The following SBNO1 variants were observed in gnomAD, a reference collection of about 807,000 sequenced individuals.
The protein encoded by SBNO1 is strawberry notch homolog 1.
In SBNO1, 23 loss-of-function variants were observed where a neutral mutation model predicts 173.6. The ratio of observed to expected loss-of-function variants is 0.13; its 90% confidence interval spans 0.10 to 0.19. SBNO1 has a LOEUF of 0.19. Among genes scored for constraint, SBNO1 ranks in the 10% least tolerant of loss-of-function variants. The pLI is 1.00. For synonymous variants in SBNO1, 632 were observed against 571.5 expected, an observed-to-expected ratio of 1.11 and a Z score of -1.51; for missense variants, 1,238 against 1,671.2, an observed-to-expected ratio of 0.74 and a Z score of 4.52.
rs192943789 is a variant in SBNO1, at chr12:123,291,257, A to C, written c.*4651T>G. On this transcript the variant is annotated 3_prime_UTR_variant, in exon 32 of 32. Transcript: ENST00000602398. ...GCAGCAGGCCAGAAACCACTGTTTC[A>C]AATCTGCAAGATTTTCCTATCAGGT... is the stretch of plus-strand genomic sequence containing the variant. 1 of 152,362 alleles carries C rather than the reference A, an allele frequency of 6.6e-6. No homozygotes were observed. The allele number at this position is 152,362 out of a possible 1,614,324, so 9.4% of individuals were successfully genotyped here.
intron 4 of SBNO1, 88 bp downstream of exon 4, chr12:123,345,170 C>A: frequency 8.6e-7 from 1 of 1,159,870 alleles, no homozygotes; most frequent in Non-Finnish European, 1.2e-6. Flanking sequence ...ATGGCCAGTT[C>A]TTTAAAAACC....
chr12:123,362,435 C>CA lies in SBNO1; in HGVS notation c.-1+2265dup, dbSNP rs56019572. ...TGGGCCACTGAGCGAGACTCCGTCTCAAAAAAAAAAAAAAAAAAAAAAAAA... is the reference window on the plus strand; with the variant it reads ...TGGGCCACTGAGCGAGACTCCGTCTCAAAAAAAAAAAAAAAAAAAAAAAAAA... On this transcript the variant is annotated intron_variant, in intron 1 of 31. Transcript: ENST00000602398. 2.8e-3 allele frequency among the ~76,000 whole-genome samples: 141 copies of CA among 49,740 alleles called. 7 individuals carry two copies. The East Asian group carries it at 0.036, about 13-fold the overall frequency. The allele number at this position is 49,740 out of a possible 152,430, so 32.6% of individuals were successfully genotyped here.
intron 29 of SBNO1, chr12:123,304,321 G>A (rs919991671): frequency 1.9e-5 from 6 of 311,636 alleles, no homozygotes; most frequent in Non-Finnish European, 3.7e-5. Flanking sequence ...TGCAACCTCC[G>A]CCTCCCGGGT....
Position 123,327,697 on chromosome 12 carries a change from A to C in SBNO1, c.1538+10T>G, listed in dbSNP as rs1870762063. ...CTACTGAGAAGAGTATATACCGTAA[A>C]CTGCATTACCTCCGTTCTACTGCTT... On this transcript the variant is annotated intron_variant, in intron 12 of 31. Coordinates refer to ENST00000602398, the MANE Select transcript of SBNO1 (RefSeq NM_001167856.3). 26 of 1,605,036 alleles carry C rather than the reference A, an allele frequency of 1.6e-5. No homozygotes were observed. Among genetic ancestry groups the C allele is most frequent in the Non-Finnish European group, 2.0e-5 (24 of 1,172,092 alleles).
intron 9 of SBNO1, among the ~76,000 whole-genome samples, chr12:123,330,034 T>C (rs1236283793): frequency 6.6e-6 from 1 of 152,200 alleles, no homozygotes; most frequent in Non-Finnish European, 1.5e-5. Context: ...CTACATCGCA[T>C]ATGATTTGGT....
intron 30 of SBNO1, among the ~76,000 whole-genome samples, chr12:123,300,970 CAAAAAAAAACA>C (rs970619635): frequency 4.8e-5 from 6 of 124,356 alleles, no homozygotes; most frequent in Non-Finnish European, 1.1e-4. Context: ...AAAAAAAAAA[CAAAAAAAAACA>C]AAAAAAAAAC....
rs1460088237 is a variant in SBNO1 at position 123,294,847 on chromosome 12, A to G, written c.*1061T>C. 3 of 151,752 alleles carry G rather than the reference A, an allele frequency of 2.0e-5. No homozygotes were observed. The highest frequency in any genetic ancestry group is 7.3e-5 in the African/African-American group (3 of 40,830). The allele number at this position is 151,752 out of a possible 1,614,324, so 9.4% of individuals were successfully genotyped here. ...TAAACTCTACGTCTTACAACACATT[A>G]AACAATATTCAAGTTACTGAGTAAC... On this transcript the variant is annotated 3_prime_UTR_variant, in exon 32 of 32. Coordinates refer to ENST00000602398, the MANE Select transcript of SBNO1 (RefSeq NM_001167856.3).
chr12:123,340,160 G>A (rs987356501), intron 5 of SBNO1, among the ~76,000 whole-genome samples: 1 of 152,130 alleles, frequency 6.6e-6, no homozygotes, highest in Admixed American at 6.5e-5. Flanking sequence ...ACTGAAGGTA[G>A]AATCATGTAA....
chr12:123,358,961 C>G (rs1382300155), intron 1 of SBNO1, among the ~76,000 whole-genome samples: 1 of 151,624 alleles, frequency 6.6e-6, no homozygotes, highest in Non-Finnish European at 1.5e-5. Flanking sequence ...GAGATGGACT[C>G]TTGCTCTGTC....
intron 20 of SBNO1, among the ~76,000 whole-genome samples, chr12:123,318,347 G>A (rs1025138885): frequency 1.3e-4 from 20 of 150,992 alleles, no homozygotes; most frequent in Non-Finnish European, 1.9e-4. Flanking sequence ...GGCTGAGGCA[G>A]AGAACTGCTT....
Position 123,334,088 on chromosome 12 carries a change from C to T in SBNO1, c.874G>A (p.Ala292Thr). The change falls in exon 7 of 32, where the codon GCA (alanine) becomes ACA (threonine). Residue 292 changes from alanine (A) to threonine (T), a missense_variant. This residue lies in a region of SBNO1 where 78 missense variants were observed against 103.3 expected (regional missense o/e 0.76). Transcript: ENST00000602398. The stretch of plus-strand genomic sequence containing the variant: ...TATGTAATTGCCTCAAGCTGCAATG[C>T]TGATAACCAGCCATTATCAATGGTT... ...EETIDNGWLS[A>T]LQLEAITYAA... 6.2e-7 allele frequency: 1 copy of T among 1,600,886 alleles called. No individual in the cohort carries two copies. The highest frequency in any genetic ancestry group is 8.5e-7 in the Non-Finnish European group (1 of 1,174,986).
At chr12:123,303,589 CAGTGAGCCA>C (rs2048845459) in intron 29 of SBNO1, among the ~76,000 whole-genome samples, 1 of 152,194 alleles carries the variant, frequency 6.6e-6, no homozygotes, top group Non-Finnish European at 1.5e-5. Flanking sequence ...GCGGAGGTTA[CAGTGAGCCA>C]AGATCGCGCC....
intron 28 of SBNO1, 25 bp from the exon 29 acceptor site, chr12:123,304,744 T>C: frequency 1.4e-6 from 2 of 1,383,546 alleles, no homozygotes; most frequent in Non-Finnish European, 2.0e-6. Context: ...TGACAAAATA[T>C]AAAGATTTTA....
chr12:123,358,768 G>A lies in SBNO1; in HGVS notation c.-1+5933C>T, dbSNP rs67132007. Reference sequence around the variant, plus strand: ...AAAAAAAAAAAAAAAAAAAAAAAAAGAAGAAGAAAAATGAAATACAACAAA... The same window carrying A: ...AAAAAAAAAAAAAAAAAAAAAAAAAAAAGAAGAAAAATGAAATACAACAAA... On this transcript the variant is annotated intron_variant, in intron 1 of 31. Transcript: ENST00000602398. 1.7e-3 allele frequency among the ~76,000 whole-genome samples: 57 copies of A among 33,438 alleles called. 9 individuals carry two copies. Among genetic ancestry groups the A allele is most frequent in the Non-Finnish European group, 3.2e-3 (26 of 8,110 alleles). The allele number at this position is 33,438 out of a possible 152,430, so 21.9% of individuals were successfully genotyped here. A position where few individuals can be genotyped will look rare whatever the true frequency, so the allele number is the denominator to read the frequency against.
At chr12:123,355,232 G>A (rs1005765271) in intron 1 of SBNO1, among the ~76,000 whole-genome samples, 6 of 152,072 alleles carry the variant, frequency 3.9e-5, no homozygotes, top group Non-Finnish European at 8.8e-5. Context: ...TGTTGGCCAG[G>A]ATGGTCTCGA....
rs947555775 is a variant in SBNO1, at chr12:123,289,384, T to C, written c.*6524A>G. ...GGCTGGATGCAGCAATGCAGTATCA[T>C]TGGAACAGGGCGCACCCTTCACACA... On this transcript the variant is annotated 3_prime_UTR_variant, in exon 32 of 32. Transcript: ENST00000602398. 1.3e-5 allele frequency: 2 copies of C among 152,220 alleles called. No homozygotes were observed. Among genetic ancestry groups the C allele is most frequent in the Non-Finnish European group, 2.9e-5 (2 of 68,032 alleles). The allele number at this position is 152,220 out of a possible 1,614,324, so 9.4% of individuals were successfully genotyped here. A position where few individuals can be genotyped will look rare whatever the true frequency, so the allele number is the denominator to read the frequency against.
At chr12:123,337,765 C>T (rs989434684) in intron 5 of SBNO1, among the ~76,000 whole-genome samples, 2 of 152,076 alleles carry the variant, frequency 1.3e-5, no homozygotes, top group Admixed American at 1.3e-4. Flanking sequence ...AGGCAAATTA[C>T]CTAAATTCTG....
chr12:123,328,487 G>C (rs1419815559), intron 10 of SBNO1, among the ~76,000 whole-genome samples: 1 of 152,106 alleles, frequency 6.6e-6, no homozygotes. Flanking sequence ...ATCCTCAAAA[G>C]GGGAATACAG....
intron 30 of SBNO1, among the ~76,000 whole-genome samples, chr12:123,300,966 A>C (rs1004155439): frequency 6.8e-6 from 1 of 146,400 alleles, no homozygotes; most frequent in Admixed American, 6.9e-5. Context: ...TCTCAAAAAA[A>C]AAACAAAAAA....
Sources: gnomAD v4.1 joint callset for allele counts (sites outside exome capture counted in the v4.1 genomes callset) on GRCh38, gnomAD v4.1.1 for gene constraint, gnomAD v4.1.1 regional missense constraint, MANE v1.5 for transcripts, NCBI Gene and HGNC (gene_info 2026-07-23, HGNC 2026-07-21) for gene names.